THOC2: variants seen among roughly 807,000 people sequenced by gnomAD.
The protein encoded by THOC2 is THO complex subunit 2.
THOC2 carries 10 observed loss-of-function variants against 128.4 expected under a neutral mutation model. The ratio of observed to expected loss-of-function variants is 0.08; its 90% confidence interval spans 0.05 to 0.13. The LOEUF is 0.13. THOC2 is among the 10% of genes least tolerant of loss of function. THOC2 has a pLI of 1.00. For synonymous variants in THOC2, 393 were observed against 396.9 expected (o/e 0.99, Z 0.12); for missense variants, 535 against 1,155.7 (o/e 0.46, Z 7.79).
chrX:123,617,351 G>A (rs2046935085), intron 33 of THOC2, among the ~76,000 whole-genome samples: 1 of 110,834 alleles, frequency 9.0e-6, no homozygotes, highest in African/African-American at 3.3e-5. Context: ...CTGGTTGCAT[G>A]TGGAATAAAT....
At chrX:123,703,890 T>TAAAAAAAAAAAAA (rs774877149) in intron 3 of THOC2, among the ~76,000 whole-genome samples, 818 of 36,933 alleles carry the variant, frequency 0.022, 14 homozygotes, top group Middle Eastern at 0.04. Flanking sequence ...ACTCTGTCTT[T>TAAAAAAAAAAAAA]AAAAAAAAAA....
chrX:123,676,491 T>TA (rs768528667), intron 8 of THOC2, among the ~76,000 whole-genome samples: 21 of 111,438 alleles, frequency 1.9e-4, no homozygotes, highest in South Asian at 1.5e-3. Flanking sequence ...TAGAATATAG[T>TA]AAAAAAAACT....
rs1180083956 is a variant in THOC2 at position 123,620,984 on chromosome X, ATAG to A, written c.4217-22_4217-20del. 1.7e-6 allele frequency: 2 copies of A among 1,203,517 alleles called. No homozygotes were observed. The highest frequency in any genetic ancestry group is 4.4e-5 in the Admixed American group (2 of 45,455). ...TTTTGTTCTGTTAAGACAAAAAGAA[ATAG>A]TCAGAATAAGGTACATTTCTAGTTT... On this transcript the variant is annotated intron_variant, in intron 31 of 38. Transcript: ENST00000245838.
At chrX:123,691,800 G>A (rs1035521939) in intron 7 of THOC2, among the ~76,000 whole-genome samples, 3 of 112,573 alleles carry the variant, frequency 2.7e-5, no homozygotes, top group African/African-American at 6.5e-5. Context: ...AGCTAGCTCC[G>A]TGATTAGTTG....
chrX:123,724,085 T>TCTTA (rs2051832831), intron 1 of THOC2, among the ~76,000 whole-genome samples: 1 of 112,022 alleles, frequency 8.9e-6, no homozygotes, highest in African/African-American at 3.2e-5. Context: ...TAGAAGAGTT[T>TCTTA]CTTACTCTTT....
chrX:123,639,531 T>C (rs1400002638), intron 16 of THOC2, among the ~76,000 whole-genome samples: 1 of 112,055 alleles, frequency 8.9e-6, no homozygotes. Context: ...GCTCTTGATT[T>C]GGTTTTCAGC....
intron 7 of THOC2, among the ~76,000 whole-genome samples, chrX:123,688,992 T>C (rs2147878405): frequency 8.9e-6 from 1 of 112,306 alleles, no homozygotes; most frequent in African/African-American, 3.2e-5. Flanking sequence ...AATATAATTT[T>C]TGGCAAACTG....
At chrX:123,630,973 G>A (rs1300805079) in intron 22 of THOC2, among the ~76,000 whole-genome samples, 1 of 112,382 alleles carries the variant, frequency 8.9e-6, no homozygotes, top group Admixed American at 9.4e-5. Flanking sequence ...TTAGGTTTTT[G>A]TATCTCTTAA....
At chrX:123,722,961 C>T (rs1301013858) in intron 1 of THOC2, among the ~76,000 whole-genome samples, 1 of 111,338 alleles carries the variant, frequency 9.0e-6, no homozygotes, top group Non-Finnish European at 1.9e-5. Context: ...GGCGGATCAT[C>T]GGAGGTCCGG....
chrX:123,723,325 A>T (rs1362967629), intron 1 of THOC2, among the ~76,000 whole-genome samples: 1 of 112,174 alleles, frequency 8.9e-6, no homozygotes, highest in Non-Finnish European at 1.9e-5. Flanking sequence ...AATGTGAAAC[A>T]AGGTCAACTC....
intron 12 of THOC2, among the ~76,000 whole-genome samples, chrX:123,646,629 C>T (rs1192552396): frequency 8.9e-6 from 1 of 112,271 alleles, no homozygotes; most frequent in Non-Finnish European, 1.9e-5. Flanking sequence ...TGCCATGTTA[C>T]CTTTATGGGA....
In THOC2 at chrX:123,600,605, C is replaced by A. The variant is rs1186669731; in HGVS notation, c.*752G>T. ...TATTGTTTATTTAGAAAAAAGGTTA[C>A]ACTGGTAGAATTCGGCAGATAAAAA... On this transcript the variant is annotated 3_prime_UTR_variant, in exon 39 of 39. Transcript: ENST00000245838. The A allele has an allele frequency of 1.8e-5, 2 of 112,428 alleles. No homozygotes were observed. The highest frequency in any genetic ancestry group is 6.5e-5 in the African/African-American group (2 of 30,904). The allele number at this position is 112,428 out of a possible 1,213,427, so 9.3% of individuals were successfully genotyped here.
At chrX:123,623,516 C>G in intron 28 of THOC2, 1 of 536,517 alleles carries the variant, frequency 1.9e-6, no homozygotes, top group South Asian at 4.8e-5. Context: ...TTTTTTTACT[C>G]TTGAAGATCT....
chrX:123,620,741 G>GA (rs944674392), intron 32 of THOC2, 166 bp downstream of exon 32: 11 of 415,307 alleles, frequency 2.6e-5, no homozygotes, highest in East Asian at 3.8e-5. Flanking sequence ...TACTCAATAG[G>GA]AAAAAAAATC....
At chrX:123,686,453 T>C in intron 8 of THOC2, 95 bp downstream of exon 8, 1 of 711,529 alleles carries the variant, frequency 1.4e-6, no homozygotes, top group Non-Finnish European at 2.0e-6. Context: ...ACACCTGAGA[T>C]GAGACCAATC....
chrX:123,636,319 C>T (rs2147659519), intron 18 of THOC2, 144 bp from the exon 19 acceptor site: 3 of 454,595 alleles, frequency 6.6e-6, no homozygotes, highest in East Asian at 7.4e-5. Flanking sequence ...ATAACAATAA[C>T]CAATATTTAT....
rs745548365 is a variant in THOC2 at position 123,696,771 on chromosome X, T to C, written c.417A>G (p.Lys139=). The change falls in exon 6 of 39, where the codon AAA becomes AAG. Residue 139 remains lysine, a synonymous_variant. Transcript: ENST00000245838. ...ACTTTTGATTGAATTGCTGTGATTG[T>C]TTGATAAGCCCTAATGATTCCAGTG... ...PETLESLGLI[K]QSQQFNQKSV... The C allele has an allele frequency of 1.7e-6, 2 of 1,203,113 alleles. No individual in the cohort carries two copies. Among genetic ancestry groups the C allele is most frequent in the African/African-American group, 1.8e-5 (1 of 57,133 alleles).
intron 12 of THOC2, among the ~76,000 whole-genome samples, chrX:123,652,167 C>T (rs2048385891): frequency 8.9e-6 from 1 of 112,038 alleles, no homozygotes; most frequent in Admixed American, 9.4e-5. Flanking sequence ...ATTAACAGAA[C>T]CAATGACAAA....
chrX:123,639,911 T>G (rs1440405856), intron 16 of THOC2, among the ~76,000 whole-genome samples: 21 of 112,096 alleles, frequency 1.9e-4, no homozygotes, highest in Non-Finnish European at 1.9e-4. Flanking sequence ...ATGGGCCAGG[T>G]GTGGTGGCTC....
Sources: gnomAD v4.1 joint callset for allele counts (sites outside exome capture counted in the v4.1 genomes callset) on GRCh38, gnomAD v4.1.1 for gene constraint, MANE v1.5 for transcripts, NCBI Gene and HGNC (gene_info 2026-07-23, HGNC 2026-07-21) for gene names.